GNPAT: variants seen among roughly 807,000 people sequenced by gnomAD.
GNPAT encodes glyceronephosphate O-acyltransferase, also known as dihydroxyacetone phosphate acyltransferase.
A neutral mutation model predicts 78.4 loss-of-function variants in GNPAT; 30 were observed. The observed-to-expected ratio is 0.38, with a 90% CI of 0.29 to 0.52. The LOEUF is 0.52. Ranked by LOEUF, GNPAT falls within the 20% of genes least tolerant of loss-of-function variation. GNPAT has a pLI of 0.84. For synonymous variants in GNPAT, 271 were observed against 281.1 expected, an observed-to-expected ratio of 0.96 and a Z score of 0.36; for missense variants, 714 against 812.2, an observed-to-expected ratio of 0.88 and a Z score of 1.47.
At chr1:231,261,642 C>G (rs1011789492) in intron 3 of GNPAT, among the ~76,000 whole-genome samples, 2 of 152,014 alleles carry the variant, frequency 1.3e-5, no homozygotes, top group East Asian at 1.9e-4. Flanking sequence ...GCTAAATACC[C>G]TGTTTTGCAT....
rs550971684 is a variant in GNPAT at position 231,265,216 on chromosome 1, A to C, written c.569-77A>C. ...AAATAAAATAATAAAATATAAATGAAAAATAAGCATGTTTAAGTTTAGATC... is the reference window on the plus strand; with the variant it reads ...AAATAAAATAATAAAATATAAATGACAAATAAGCATGTTTAAGTTTAGATC... On this transcript the variant is annotated intron_variant, in intron 4 of 15. Coordinates refer to ENST00000366647, the MANE Select transcript of GNPAT (RefSeq NM_014236.4). 1,209 of 1,062,132 alleles carry C rather than the reference A, an allele frequency of 1.1e-3. 1 individual carries two copies. Among genetic ancestry groups the C allele is most frequent in the Non-Finnish European group, 1.5e-3 (1,008 of 687,446 alleles). The allele number at this position is 1,062,132 out of a possible 1,614,324, so 65.8% of individuals were successfully genotyped here. A position where few individuals can be genotyped will look rare whatever the true frequency, so the allele number is the denominator to read the frequency against.
intron 2 of GNPAT, among the ~76,000 whole-genome samples, chr1:231,258,622 ATTTTTTTTT>A (rs748666053): frequency 4.6e-4 from 34 of 73,790 alleles, no homozygotes; most frequent in African/African-American, 1.7e-3. Flanking sequence ...TTTTAATGCA[ATTTTTTTTT>A]TTTTTTTTTT....
rs1685193307 is a variant in GNPAT at position 231,260,522 on chromosome 1, C to G, written c.277C>G (p.Leu93Val). 1 of 1,609,022 alleles carries G rather than the reference C, an allele frequency of 6.2e-7. No homozygotes were observed. The highest frequency in any genetic ancestry group is 1.3e-5 in the African/African-American group (1 of 74,736). Residue 93 changes from leucine (L) to valine (V), a missense_variant, in exon 3 of 16, where the codon CTT becomes GTT. Coordinates refer to ENST00000366647, the MANE Select transcript of GNPAT (RefSeq NM_014236.4). ...TTCCTTTTAGCTTTCCAAGGAATCC[C>G]TTCAATCTGTGGATGTCCTCCGAGA... ...YVIKQLSKESLQSVDVLREEV... is the reference protein window; with the variant it reads ...YVIKQLSKESVQSVDVLREEV...
chr1:231,277,139 G>T (rs1265020128), intron 15 of GNPAT, among the ~76,000 whole-genome samples: 4 of 152,230 alleles, frequency 2.6e-5, no homozygotes, highest in African/African-American at 9.6e-5. Flanking sequence ...TATCGTGTCT[G>T]AAGAGGTGCA....
At position 231,275,314 on chromosome 1, in the gene GNPAT, G is replaced by C. The variant is rs145600712; in HGVS notation, c.1837G>C (p.Asp613His). Residue 613 changes from aspartate to histidine, a missense_variant, in exon 13 of 16, where the codon GAT (aspartate) becomes CAT (histidine). Coordinates refer to ENST00000366647, the MANE Select transcript of GNPAT (RefSeq NM_014236.4). ...AVRKFTSQLL[D>H]QGTSQCYDVL... Reference sequence around the variant, plus strand: ...CAGAAAATTCACAAGTCAGCTTCTCGATCAAGGTCAGTCACTGCTCTGTGG... The same window carrying C: ...CAGAAAATTCACAAGTCAGCTTCTCCATCAAGGTCAGTCACTGCTCTGTGG... The C allele has an allele frequency of 1.2e-5, 20 of 1,608,534 alleles. No homozygotes were observed. The highest frequency in any genetic ancestry group is 1.6e-5 in the Non-Finnish European group (19 of 1,174,966).
At chr1:231,276,804 C>T (rs185151073) in intron 15 of GNPAT, among the ~76,000 whole-genome samples, 4 of 152,222 alleles carry the variant, frequency 2.6e-5, no homozygotes, top group African/African-American at 9.6e-5. Flanking sequence ...AGCAATGATG[C>T]GGCCATTTTA....
At chr1:231,263,369 C>T (rs1479607591) in intron 4 of GNPAT, among the ~76,000 whole-genome samples, 1 of 152,128 alleles carries the variant, frequency 6.6e-6, no homozygotes, top group Admixed American at 6.6e-5. Flanking sequence ...CCCCGTTCTA[C>T]CCTCCCCCTG....
chr1:231,271,103 G>A lies in GNPAT; in HGVS notation c.1522+103G>A. On this transcript the variant is annotated intron_variant, in intron 10 of 15. Coordinates refer to ENST00000366647, the MANE Select transcript of GNPAT (RefSeq NM_014236.4). ...CCTTGTAATGTTCAGCCTCACGCCG[G>A]TGAAGAGCAGGCCTATCACTGAGAA... is the stretch of plus-strand genomic sequence containing the variant. 5 of 1,282,794 alleles carry A rather than the reference G, an allele frequency of 3.9e-6. No homozygotes were observed. The South Asian group carries it at 4.8e-5, about 12-fold the overall frequency. The allele number at this position is 1,282,794 out of a possible 1,614,324, so 79.5% of individuals were successfully genotyped here.
At chr1:231,251,946 G>A (rs1048431539) in intron 2 of GNPAT, among the ~76,000 whole-genome samples, 8 of 152,140 alleles carry the variant, frequency 5.3e-5, no homozygotes, top group Non-Finnish European at 8.8e-5. Context: ...TCAGTATGAC[G>A]AGACCAAAGA....
intron 2 of GNPAT, among the ~76,000 whole-genome samples, chr1:231,255,035 G>A (rs1010631277): frequency 2.6e-5 from 4 of 152,058 alleles, no homozygotes; most frequent in Admixed American, 2.0e-4. Flanking sequence ...TTACAGGTGC[G>A]AGCCACTGCC....
intron 6 of GNPAT, 28 bp downstream of exon 6, chr1:231,265,815 A>G: frequency 7.3e-7 from 1 of 1,376,496 alleles, no homozygotes; most frequent in East Asian, 2.3e-5. Context: ...AAAAGGAAAA[A>G]TACAAACCCA....
intron 9 of GNPAT, among the ~76,000 whole-genome samples, chr1:231,268,129 C>A (rs899433362): frequency 6.6e-6 from 1 of 151,972 alleles, no homozygotes; most frequent in Non-Finnish European, 1.5e-5. Context: ...GGTGAAACCC[C>A]GTCTCTACTA....
rs976688260 is a variant in GNPAT at position 231,270,880 on chromosome 1, C to T, written c.1402C>T (p.Leu468Phe). The change falls in exon 10 of 16, where the codon CTT becomes TTT. Residue 468 changes from leucine (L) to phenylalanine (F), a missense_variant. Leu to Phe is a conservative substitution (Grantham distance 22). Transcript: ENST00000366647. Reference sequence around the variant, plus strand: ...CGGAGACTCGGAAGTGGTCGATGGGCTTATGCTCCAGCACATCACTCTCCT... The same window carrying T: ...CGGAGACTCGGAAGTGGTCGATGGGTTTATGCTCCAGCACATCACTCTCCT... ...DSGDSEVVDG[L>F]MLQHITLLMC... 4 of 1,614,184 alleles carry T rather than the reference C, an allele frequency of 2.5e-6. No homozygotes were observed. Among genetic ancestry groups the T allele is most frequent in the East Asian group, 2.2e-5 (1 of 44,892 alleles).
In GNPAT at chr1:231,246,560, G is replaced by A. The variant is rs113635950; in HGVS notation, c.79-4401G>A. 2.6e-5 allele frequency among the ~76,000 whole-genome samples: 4 copies of A among 152,302 alleles called. No individual in the cohort carries two copies. In the East Asian group the frequency reaches 7.7e-4, roughly 29 times the overall value. ...AGAGGCCTGCTCTACTAAGTAAGAT[G>A]GGGGAGAGATAGTTCCCCTAAGGCT... On this transcript the variant is annotated intron_variant, in intron 1 of 15. Coordinates refer to ENST00000366647, the MANE Select transcript of GNPAT (RefSeq NM_014236.4).
rs1685431913 is a variant in GNPAT at position 231,267,756 on chromosome 1, A to G, written c.1132A>G (p.Ile378Val). Residue 378 changes from isoleucine to valine, a missense_variant, in exon 9 of 16, where the codon ATT (isoleucine) becomes GTT (valine). Transcript: ENST00000366647. ...EVAYKMELLQ[I>V]ENMVLSPWTL... ...TGCCTACAAAATGGAGCTTCTGCAA[A>G]TTGAAAACATGGTTTTGAGCCCCTG... The G allele has an allele frequency of 1.9e-6, 3 of 1,613,202 alleles. No individual in the cohort carries two copies. In the South Asian group the frequency reaches 3.3e-5, roughly 18 times the overall value.
chr1:231,249,460 GTTA>G (rs1684833709), intron 1 of GNPAT, among the ~76,000 whole-genome samples: 1 of 152,092 alleles, frequency 6.6e-6, no homozygotes, highest in Non-Finnish European at 1.5e-5. Context: ...TCATCTTTCA[GTTA>G]TTGAGTTCAG....
chr1:231,270,914 C>T lies in GNPAT; in HGVS notation c.1436C>T (p.Ser479Leu), dbSNP rs1049596566. The T allele has an allele frequency of 6.2e-7, 1 of 1,614,002 alleles. No homozygotes were observed. Among genetic ancestry groups the T allele is most frequent in the Non-Finnish European group, 8.5e-7 (1 of 1,179,854 alleles). Reference protein sequence around the residue: ...MLQHITLLMCSAYRNQLLNIF... With the variant: ...MLQHITLLMCLAYRNQLLNIF... ...CAGCACATCACTCTCCTCATGTGCT[C>T]AGCTTATAGGAACCAGCTGCTCAAC... The change falls in exon 10 of 16, where the codon TCA becomes TTA. Residue 479 changes from serine (S) to leucine (L), a missense_variant. Coordinates refer to ENST00000366647, the MANE Select transcript of GNPAT (RefSeq NM_014236.4).
chr1:231,267,643 AG>A (rs755276455), intron 8 of GNPAT, 36 bp from the exon 9 acceptor site: 1 of 1,156,272 alleles, frequency 8.6e-7, no homozygotes, highest in South Asian at 1.2e-5. Context: ...TCTAAGTAAC[AG>A]AACTGTAATT....
At chr1:231,257,532 G>A (rs905665355) in intron 2 of GNPAT, among the ~76,000 whole-genome samples, 2 of 152,090 alleles carry the variant, frequency 1.3e-5, no homozygotes, top group Non-Finnish European at 2.9e-5. Context: ...GTGACATCTG[G>A]TTTTATTCTG....
Sources: allele counts gnomAD v4.1 joint callset (sites outside exome capture counted in the v4.1 genomes callset), GRCh38; gene constraint gnomAD v4.1.1; transcripts MANE v1.5; gene names NCBI Gene and HGNC (gene_info 2026-07-23, HGNC 2026-07-21).